The following SLC6A16 variants were observed in gnomAD, a reference collection of about 807,000 sequenced individuals.
The protein encoded by SLC6A16 is solute carrier family 6 member 16.
Under a neutral mutation model 65.4 loss-of-function variants are expected in SLC6A16, and 54 were observed. That is an observed-to-expected ratio of 0.83 (90% CI 0.66 to 1.04). The LOEUF (loss-of-function observed/expected upper bound fraction) is 1.04, where lower values mean the gene tolerates loss of function less well. SLC6A16 is among the 50% of genes least tolerant of loss of function. The pLI, the probability that SLC6A16 is intolerant of heterozygous loss-of-function variation, is 0.00. For missense variants in SLC6A16, 816 were observed against 914.0 expected (o/e 0.89, Z 1.38); for synonymous variants, 330 against 346.5 (o/e 0.95, Z 0.53).
chr19:49,310,341 TG>T lies in SLC6A16; in HGVS notation c.573+11del, dbSNP rs1568534910. On this transcript the variant is annotated intron_variant, in intron 3 of 11. Coordinates refer to ENST00000335875, the MANE Select transcript of SLC6A16 (RefSeq NM_014037.3). ...TGTAAAAGTCAGGCCTGGGCAGCCA[TG>T]GGCTCCTCACCATGAAGCTAGAATA... 1 of 1,613,688 alleles carries T rather than the reference TG, an allele frequency of 6.2e-7. No homozygotes were observed.
chr19:49,335,331 G>C, the SLC6A16 span: 1 of 592,180 alleles, frequency 1.7e-6, no homozygotes, highest in Non-Finnish European at 3.0e-6. The surrounding 1 kb of genome is among the most constrained non-coding windows in gnomAD (Gnocchi z 4.6). Context: ...AGGTGAGGGA[G>C]ACAGGGACAG....
intron 7 of SLC6A16, among the ~76,000 whole-genome samples, chr19:49,295,941 T>C (rs1970177185): frequency 6.6e-6 from 1 of 152,210 alleles, no homozygotes; most frequent in Admixed American, 6.5e-5. Context: ...TCAGAAATGA[T>C]CTACAGATTT....
intron 7 of SLC6A16, among the ~76,000 whole-genome samples, chr19:49,307,099 A>G (rs1054035745): frequency 2.9e-5 from 4 of 137,686 alleles, no homozygotes; most frequent in Admixed American, 2.3e-4. Context: ...GCTGATTTCA[A>G]ACTCCTGGGT....
At chr19:49,339,532 C>G in the SLC6A16 span, 1 of 1,471,310 alleles carries the variant, frequency 6.8e-7, no homozygotes, top group Non-Finnish European at 9.2e-7. This position sits in a 1 kb window ranked among gnomAD's most constrained non-coding sequence, Gnocchi z 4.5. Context: ...CAGCCCACCC[C>G]GGCCCTCCCG....
chr19:49,340,279 T>A, the SLC6A16 span: 5 of 1,613,926 alleles, frequency 3.1e-6, no homozygotes, highest in South Asian at 5.5e-5. Context: ...TCGATATTCC[T>A]GTGCAGAAAC....
intron 4 of SLC6A16, 70 bp from the exon 5 acceptor site, chr19:49,309,896 A>AC: frequency 7.1e-7 from 1 of 1,414,318 alleles, no homozygotes; most frequent in Non-Finnish European, 9.6e-7. Flanking sequence ...CCCCTCCCCC[A>AC]CCTCCCTTTT....
chr19:49,320,082 G>T (rs1306463546), intron 1 of SLC6A16, among the ~76,000 whole-genome samples: 1 of 151,978 alleles, frequency 6.6e-6, no homozygotes, highest in Non-Finnish European at 1.5e-5. Context: ...AATGCCAAGG[G>T]GGAAATTTAT....
At chr19:49,308,602 T>C (rs1251751635) in intron 7 of SLC6A16, among the ~76,000 whole-genome samples, 1 of 152,198 alleles carries the variant, frequency 6.6e-6, no homozygotes, top group Non-Finnish European at 1.5e-5. Context: ...CAATTTTTAG[T>C]ACATCCCTGT....
At chr19:49,337,142 C>T in the SLC6A16 span, 1 of 1,614,184 alleles carries the variant, frequency 6.2e-7, no homozygotes, top group Non-Finnish European at 8.5e-7. Context: ...CACTCTGCTC[C>T]CCAGTATTTT....
Position 49,325,065 on chromosome 19 carries a change from T to C in SLC6A16, c.-82A>G. Reference sequence around the variant, plus strand: ...ACCCTCACCCTAGCCCCAAGGCTTCTGCCAGGTTCTTCAGTCCAGCCAGTC... The same window carrying C: ...ACCCTCACCCTAGCCCCAAGGCTTCCGCCAGGTTCTTCAGTCCAGCCAGTC... On this transcript the variant is annotated 5_prime_UTR_variant, in exon 1 of 12. Coordinates refer to ENST00000335875, the MANE Select transcript of SLC6A16 (RefSeq NM_014037.3). The C allele has an allele frequency of 1.0e-6, 1 of 985,612 alleles. No individual in the cohort carries two copies. Among genetic ancestry groups the C allele is most frequent in the Non-Finnish European group, 1.2e-6 (1 of 830,054 alleles). 61.1% of individuals were successfully genotyped at this position (985,612 alleles called of 1,614,324 possible).
At chr19:49,313,022 G>T (rs1490012160) in intron 1 of SLC6A16, among the ~76,000 whole-genome samples, 3 of 142,136 alleles carry the variant, frequency 2.1e-5, no homozygotes, top group Non-Finnish European at 4.5e-5. Flanking sequence ...GGCGGAGGTT[G>T]CAATGAGCCG....
At chr19:49,333,515 A>T in the SLC6A16 span, among the ~76,000 whole-genome samples, 1 of 152,156 alleles carries the variant, frequency 6.6e-6, no homozygotes, top group South Asian at 2.1e-4. Context: ...GCAGGTGGTG[A>T]CTCAGCGTTT....
At chr19:49,312,845 T>C (rs1402816663) in intron 1 of SLC6A16, among the ~76,000 whole-genome samples, 1 of 152,078 alleles carries the variant, frequency 6.6e-6, no homozygotes, top group Non-Finnish European at 1.5e-5. Flanking sequence ...AAGACTAAGA[T>C]ACAAATTTCT....
At chr19:49,336,997 G>T in the SLC6A16 span, 38 of 1,613,872 alleles carry the variant, frequency 2.4e-5, no homozygotes, top group African/African-American at 5.1e-4. Flanking sequence ...TGGGTTGTGT[G>T]GGGGCCCTCA....
In SLC6A16 at chr19:49,290,746, G is replaced by A; in HGVS notation, c.1800C>T (p.Ile600=). 1 of 1,611,528 alleles carries A rather than the reference G, an allele frequency of 6.2e-7. No individual in the cohort carries two copies. Among genetic ancestry groups the A allele is most frequent in the African/African-American group, 1.3e-5 (1 of 74,994 alleles). The part of the protein sequence containing the change: ...GARRFLADLT[I]LLGHPISPIF... ...TGGGAGAGATGGGGTGGCCCAACAG[G>A]ATCGTCAGGTCTGCAAGGAACCTGG... Residue 600 remains isoleucine, a synonymous_variant, in exon 11 of 12, where the codon ATC becomes ATT. Coordinates refer to ENST00000335875, the MANE Select transcript of SLC6A16 (RefSeq NM_014037.3).
At chr19:49,340,284 A>G in the SLC6A16 span, 1 of 1,613,924 alleles carries the variant, frequency 6.2e-7, no homozygotes, top group African/African-American at 1.3e-5. Context: ...ATTCCTGTGC[A>G]GAAACCTGGA....
At chr19:49,307,334 G>C (rs1027493494) in intron 7 of SLC6A16, among the ~76,000 whole-genome samples, 1 of 151,704 alleles carries the variant, frequency 6.6e-6, no homozygotes, top group African/African-American at 2.4e-5. Context: ...TAGAACAAAT[G>C]GAAGTCTCAC....
chr19:49,301,044 A>T (rs1166263099), intron 7 of SLC6A16, among the ~76,000 whole-genome samples: 1 of 152,134 alleles, frequency 6.6e-6, no homozygotes, highest in Non-Finnish European at 1.5e-5. Flanking sequence ...GCGAGACTCC[A>T]TCTCAAAAAT....
the SLC6A16 span, chr19:49,335,314 G>T: frequency 7.0e-6 from 4 of 572,318 alleles, no homozygotes; most frequent in South Asian, 8.7e-5. The surrounding 1 kb of genome is among the most constrained non-coding windows in gnomAD (Gnocchi z 4.6). Flanking sequence ...ATGTGTCCCA[G>T]TGGAGCAGGT....
Sources: gnomAD v4.1 joint callset for allele counts (sites outside exome capture counted in the v4.1 genomes callset) on GRCh38, gnomAD v4.1.1 for gene constraint, Gnocchi (gnomAD v3.1) non-coding constraint, MANE v1.5 for transcripts, NCBI Gene and HGNC (gene_info 2026-07-23, HGNC 2026-07-21) for gene names.